Variants in DMD observed in about 807,000 individuals in gnomAD.
DMD encodes mutant dystrophin.
Under a neutral mutation model 330.1 loss-of-function variants are expected in DMD, and 63 were observed. That is an observed-to-expected ratio of 0.19 (90% CI 0.16 to 0.24). DMD has a LOEUF of 0.24. Among genes scored for constraint, DMD ranks in the 10% least tolerant of loss-of-function variants. The pLI, the probability that DMD is intolerant of heterozygous loss-of-function variation, is 1.00. For missense variants in DMD, 3,344 were observed against 2,684.1 expected (o/e 1.25, Z -5.43); for synonymous variants, 1,223 against 959.8 (o/e 1.27, Z -5.07).
At position 31,729,632 on chromosome X, in the gene DMD, T is replaced by G; in HGVS notation, c.7659A>C (p.Arg2553=). The part of the protein sequence containing the change: ...NQEARTIITD[R]IERIQNQWDE... ...TCCCATGCTTGTTAAAAAACTTACTTCGATCCGTAATGATTGTTCTAGCCT... is the reference window on the plus strand; with the variant it reads ...TCCCATGCTTGTTAAAAAACTTACTGCGATCCGTAATGATTGTTCTAGCCT... The change falls in exon 52 of 79, where the codon CGA becomes CGC. Residue 2553 remains arginine (R), a splice_region_variant and synonymous_variant. Transcript: ENST00000357033. 2 of 1,206,719 alleles carry G rather than the reference T, an allele frequency of 1.7e-6. No homozygotes were observed. The highest frequency in any genetic ancestry group is 2.2e-6 in the Non-Finnish European group (2 of 891,006).
At chrX:33,298,920 G>T (rs1244093728) in intron 1 of DMD, among the ~76,000 whole-genome samples, 2 of 111,683 alleles carry the variant, frequency 1.8e-5, no homozygotes, top group Non-Finnish European at 3.8e-5. Flanking sequence ...GTGCGGAAGT[G>T]ATTCCACGTA....
Position 31,658,025 on chromosome X carries a change from C to T in DMD, c.7992G>A (p.Glu2664=), listed in dbSNP as rs1402602960. 3.3e-6 allele frequency: 4 copies of T among 1,209,144 alleles called. No individual in the cohort carries two copies. The highest frequency in any genetic ancestry group is 2.3e-4 in the Middle Eastern group (1 of 4,372). Residue 2664 remains glutamate, a synonymous_variant, in exon 54 of 79, where the codon GAG becomes GAA. Transcript: ENST00000357033. ...DDTRKVHMIT[E]NINASWRSIH... ...TGCTTCTCCAAGAGGCATTGATATT[C>T]TCTGTTATCATGTGGACTTTTCTGG... is the stretch of plus-strand genomic sequence containing the variant.
rs747224496 is a variant in DMD, at chrX:32,887,272, G to A, written c.94-37452C>T. ...TGAGGCAGGAGAATGGTGTGAACCCGGGAGGCGGAGCTTGCAGTGAGCCGA... is the reference window on the plus strand; with the variant it reads ...TGAGGCAGGAGAATGGTGTGAACCCAGGAGGCGGAGCTTGCAGTGAGCCGA... On this transcript the variant is annotated intron_variant, in intron 2 of 78. Coordinates refer to ENST00000357033, the MANE Select transcript of DMD (RefSeq NM_004006.3). Among the ~76,000 whole-genome samples, 7 of 109,892 alleles carry A rather than the reference G, an allele frequency of 6.4e-5. No individual in the cohort carries two copies. The South Asian group carries it at 2.8e-3, about 44-fold the overall frequency.
chrX:32,165,895 C>T (rs2096866756), intron 44 of DMD, among the ~76,000 whole-genome samples: 1 of 111,074 alleles, frequency 9.0e-6, no homozygotes. Flanking sequence ...ATAAGGGTCT[C>T]TTCCCCCTTT....
At chrX:32,445,175 G>A (rs928543927) in intron 27 of DMD, among the ~76,000 whole-genome samples, 10 of 111,123 alleles carry the variant, frequency 9.0e-5, no homozygotes, top group African/African-American at 3.3e-4. Context: ...TCTTTTTTGG[G>A]GGGTTCAAAG....
At chrX:32,673,705 T>C (rs891638025) in intron 9 of DMD, among the ~76,000 whole-genome samples, 1 of 112,298 alleles carries the variant, frequency 8.9e-6, no homozygotes, top group Non-Finnish European at 1.9e-5. Context: ...GCAGCTTCTA[T>C]GTAATCTATA....
intron 26 of DMD, among the ~76,000 whole-genome samples, chrX:32,451,197 C>T (rs1254297484): frequency 1.8e-5 from 2 of 110,826 alleles, no homozygotes; most frequent in African/African-American, 6.5e-5. Context: ...ACAGGCCTCA[C>T]CCAAGACTCA....
intron 51 of DMD, among the ~76,000 whole-genome samples, chrX:31,744,909 A>G (rs1351180707): frequency 4.5e-5 from 5 of 112,336 alleles, no homozygotes; most frequent in African/African-American, 1.6e-4. Context: ...CTAGTGAAAT[A>G]ATTGAACTTG....
chrX:33,099,618 A>T (rs1211028910), intron 1 of DMD, among the ~76,000 whole-genome samples: 1 of 111,983 alleles, frequency 8.9e-6, no homozygotes, highest in Non-Finnish European at 1.9e-5. Context: ...ATGACTTAAA[A>T]TTAACAAATT....
intron 47 of DMD, among the ~76,000 whole-genome samples, chrX:31,912,186 C>T (rs746324470): frequency 3.6e-4 from 40 of 110,741 alleles, no homozygotes; most frequent in Non-Finnish European, 6.0e-4. Flanking sequence ...TGAATCCCGG[C>T]GAAACCACTA....
intron 44 of DMD, among the ~76,000 whole-genome samples, chrX:31,990,606 G>T (rs2095543549): frequency 8.9e-6 from 1 of 112,090 alleles, no homozygotes; most frequent in South Asian, 3.7e-4. Context: ...TGAGAAAATG[G>T]TACAATAAGT....
At chrX:31,712,539 T>C (rs942730044) in intron 52 of DMD, among the ~76,000 whole-genome samples, 2 of 112,192 alleles carry the variant, frequency 1.8e-5, no homozygotes, top group African/African-American at 6.5e-5. Context: ...ATTCACTTAA[T>C]CTAGTGAATG....
intron 45 of DMD, among the ~76,000 whole-genome samples, chrX:31,936,620 C>G (rs957405561): frequency 8.1e-5 from 9 of 110,771 alleles, no homozygotes; most frequent in Admixed American, 2.9e-4. Flanking sequence ...ACTACGTTTC[C>G]AGCTTCCTTT....
intron 1 of DMD, among the ~76,000 whole-genome samples, chrX:33,233,339 A>T (rs1267182385): frequency 8.9e-6 from 1 of 111,993 alleles, no homozygotes; most frequent in Admixed American, 9.5e-5. Flanking sequence ...AATCCTGTAC[A>T]TTAGGGTTCA....
intron 1 of DMD, among the ~76,000 whole-genome samples, chrX:33,228,554 T>G (rs771669757): frequency 1.8e-5 from 2 of 110,070 alleles, no homozygotes; most frequent in Non-Finnish European, 3.8e-5. Flanking sequence ...GAGAGTACAA[T>G]TGGCTCCTAG....
chrX:31,138,598 A>G (rs1300597975), intron 76 of DMD, among the ~76,000 whole-genome samples: 1 of 104,022 alleles, frequency 9.6e-6, no homozygotes, highest in Admixed American at 1.0e-4. Context: ...GCAAAGGGGA[A>G]GCAAGGCACC....
chrX:32,855,905 C>G (rs753634721), intron 2 of DMD, among the ~76,000 whole-genome samples: 1 of 111,548 alleles, frequency 9.0e-6, no homozygotes, highest in Non-Finnish European at 1.9e-5. Flanking sequence ...GAATACTGGC[C>G]AACTACCCAC....
intron 2 of DMD, among the ~76,000 whole-genome samples, chrX:32,870,733 T>C (rs1183960774): frequency 9.1e-6 from 1 of 110,393 alleles, no homozygotes; most frequent in African/African-American, 3.3e-5. Flanking sequence ...TTCAGAAAAC[T>C]GAAACTGGAC....
At chrX:32,716,693 C>T (rs1041389057) in intron 7 of DMD, among the ~76,000 whole-genome samples, 5 of 111,050 alleles carry the variant, frequency 4.5e-5, no homozygotes, top group Non-Finnish European at 9.4e-5. Context: ...AAGTTTGTAA[C>T]TTCCTAGAGA....
Sources: allele counts gnomAD v4.1 joint callset (sites outside exome capture counted in the v4.1 genomes callset), GRCh38; gene constraint gnomAD v4.1.1; transcripts MANE v1.5; gene names NCBI Gene and HGNC (gene_info 2026-07-23, HGNC 2026-07-21).